OCA2: variants seen among roughly 807,000 people sequenced by gnomAD.
OCA2 encodes the protein P protein.
Under a neutral mutation model 100.2 loss-of-function variants are expected in OCA2, and 77 were observed. That is an observed-to-expected ratio of 0.77 (90% CI 0.64 to 0.93). The LOEUF is 0.93. Among genes scored for constraint, OCA2 ranks in the 40% least tolerant of loss-of-function variants. The pLI is 0.00. For synonymous variants in OCA2, 432 were observed against 439.2 expected, an observed-to-expected ratio of 0.98 and a Z score of 0.21; for missense variants, 1,062 against 1,089.1, an observed-to-expected ratio of 0.98 and a Z score of 0.35.
In OCA2 at chr15:28,041,368, A is replaced by C. The variant is rs533313543; in HGVS notation, c.228-9205T>G. Among the ~76,000 whole-genome samples, 5 of 152,328 alleles carry C rather than the reference A, an allele frequency of 3.3e-5. No individual in the cohort carries two copies. In the South Asian group the frequency reaches 1.0e-3, roughly 32 times the overall value. ...CCTCAGCAAACTAGGAATAGAAGGA[A>C]ACTACTGTAACATAATAAAGACTAT... is the stretch of plus-strand genomic sequence containing the variant. On this transcript the variant is annotated intron_variant, in intron 2 of 23. Transcript: ENST00000354638.
chr15:27,893,189 A>G (rs1425913177), intron 19 of OCA2, among the ~76,000 whole-genome samples: 1 of 152,246 alleles, frequency 6.6e-6, no homozygotes, highest in African/African-American at 2.4e-5. Context: ...TCATATTAAT[A>G]TGGACATTTA....
chr15:27,745,019 G>A, the OCA2 span, among the ~76,000 whole-genome samples: 38 of 152,322 alleles, frequency 2.5e-4, 1 homozygote, highest in East Asian at 7.2e-3. Flanking sequence ...AGAACCTGCA[G>A]TATTTTACCA....
chr15:27,837,509 A>G (rs2035197673), intron 23 of OCA2, among the ~76,000 whole-genome samples: 1 of 152,184 alleles, frequency 6.6e-6, no homozygotes, highest in African/African-American at 2.4e-5. Context: ...GCTATCTCTC[A>G]GGCCCCTGCC....
At position 27,770,909 on chromosome 15, in the gene OCA2, TC is replaced by T. The variant is rs1566949345; in HGVS notation, c.2433-15438del. The stretch of plus-strand genomic sequence containing the variant: ...TCCTTCCCATCTCCTTTTCCTTCCT[TC>T]CCTCCTCCCTCCCTCTTTTCCTTTC... On this transcript the variant is annotated intron_variant, in intron 23 of 23. Coordinates refer to ENST00000354638, the MANE Select transcript of OCA2 (RefSeq NM_000275.3). Among the ~76,000 whole-genome samples the T allele has an allele frequency of 7.6e-3, 265 of 34,906 alleles. 15 individuals are homozygous for T. The highest frequency in any genetic ancestry group is 0.025 in the African/African-American group (250 of 10,136). The allele number at this position is 34,906 out of a possible 152,430, so 22.9% of individuals were successfully genotyped here.
chr15:27,829,279 TGATAGATAGATAGATAGATA>T (rs56223349), intron 23 of OCA2, among the ~76,000 whole-genome samples: 2 of 107,518 alleles, frequency 1.9e-5, no homozygotes, highest in African/African-American at 6.1e-5. Context: ...AGAAGATAGA[TGATAGATAGATAGATAGATA>T]GATAGATAGA....
intron 19 of OCA2, among the ~76,000 whole-genome samples, chr15:27,882,463 C>T (rs2037059376): frequency 6.6e-6 from 1 of 152,180 alleles, no homozygotes; most frequent in Non-Finnish European, 1.5e-5. Flanking sequence ...ATTTCAAGTG[C>T]ATTTTCTTTA....
intron 9 of OCA2, among the ~76,000 whole-genome samples, chr15:27,997,084 G>A (rs1294778361): frequency 7.6e-6 from 1 of 131,088 alleles, no homozygotes; most frequent in African/African-American, 2.9e-5. Flanking sequence ...GAGAAAGAGA[G>A]AGAAAGAAAG....
chr15:27,792,939 G>A (rs185224229), intron 23 of OCA2, among the ~76,000 whole-genome samples: 2 of 152,336 alleles, frequency 1.3e-5, no homozygotes, highest in Non-Finnish European at 2.9e-5. Context: ...GCTTGTGGCC[G>A]AGTGCTGGCG....
chr15:27,831,653 G>A (rs1442546485), intron 23 of OCA2, among the ~76,000 whole-genome samples: 4 of 152,204 alleles, frequency 2.6e-5, no homozygotes, highest in Non-Finnish European at 5.9e-5. Context: ...CAGAGGGAGC[G>A]TGTCTGGGTC....
chr15:27,871,065 T>C, intron 21 of OCA2, 89 bp downstream of exon 21: 1 of 972,642 alleles, frequency 1.0e-6, no homozygotes, highest in Non-Finnish European at 1.7e-6. Context: ...GGGGCAGGCT[T>C]CATCCTCTGC....
downstream of OCA2, among the ~76,000 whole-genome samples, chr15:27,750,933 C>T (rs995693405): frequency 6.6e-6 from 1 of 152,102 alleles, no homozygotes; most frequent in Non-Finnish European, 1.5e-5. Flanking sequence ...AAGCTGCTTC[C>T]CAGACCTGAG....
intron 19 of OCA2, among the ~76,000 whole-genome samples, chr15:27,892,749 A>C (rs2037517578): frequency 6.6e-6 from 1 of 152,196 alleles, no homozygotes; most frequent in African/African-American, 2.4e-5. Flanking sequence ...GGACAATACT[A>C]ATGAAAATCA....
intron 18 of OCA2, among the ~76,000 whole-genome samples, chr15:27,927,313 C>T (rs2039079626): frequency 1.3e-5 from 2 of 152,098 alleles, no homozygotes. Context: ...AGATCCTTCG[C>T]TGTTGGTGTG....
In OCA2 at chr15:28,070,539, G is replaced by C. The variant is rs1439310300; in HGVS notation, c.227+11109C>G. 1.5e-4 allele frequency among the ~76,000 whole-genome samples: 21 copies of C among 138,674 alleles called. No homozygotes were observed. In the South Asian group the frequency reaches 5.1e-3, roughly 33 times the overall value. The allele number at this position is 138,674 out of a possible 152,430, so 91.0% of individuals were successfully genotyped here. On this transcript the variant is annotated intron_variant, in intron 2 of 23. Transcript: ENST00000354638. ...CAGCCGCCCCGTCCGGGAGGGAGGT[G>C]GGGGGGTCAGCCCTCCGCCCGGCCA...
chr15:28,067,312 C>G lies in OCA2; in HGVS notation c.227+14336G>C, dbSNP rs567035697. Among the ~76,000 whole-genome samples, 8 of 152,230 alleles carry G rather than the reference C, an allele frequency of 5.3e-5. No individual in the cohort carries two copies. In the East Asian group the frequency reaches 1.2e-3, roughly 22 times the overall value. On this transcript the variant is annotated intron_variant, in intron 2 of 23. Transcript: ENST00000354638. The stretch of plus-strand genomic sequence containing the variant: ...CAATCTTAGTTATTTTTTTGAAGGA[C>G]AAACTTGGTTTCATTGATCTTTCGT...
At chr15:27,812,315 C>G (rs1381755717) in intron 23 of OCA2, among the ~76,000 whole-genome samples, 1 of 152,118 alleles carries the variant, frequency 6.6e-6, no homozygotes, top group Admixed American at 6.5e-5. Context: ...AAAGAAAAAT[C>G]TTTGAGAGAA....
chr15:27,790,005 T>A (rs2033005692), intron 23 of OCA2, among the ~76,000 whole-genome samples: 1 of 152,110 alleles, frequency 6.6e-6, no homozygotes, highest in African/African-American at 2.4e-5. Context: ...AATGAAGAGA[T>A]GAGACTCAGG....
At chr15:27,887,064 G>C (rs866121577) in intron 19 of OCA2, among the ~76,000 whole-genome samples, 2 of 152,132 alleles carry the variant, frequency 1.3e-5, no homozygotes, top group Non-Finnish European at 2.9e-5. Context: ...TTTAAAACGG[G>C]AGTTTCCCTG....
chr15:27,970,584 G>A (rs1372627670), intron 14 of OCA2, among the ~76,000 whole-genome samples: 1 of 151,188 alleles, frequency 6.6e-6, no homozygotes, highest in African/African-American at 2.4e-5. Flanking sequence ...CATGAAGAAT[G>A]TCCCAGCATG....
Sources: gnomAD v4.1 joint callset for allele counts (sites outside exome capture counted in the v4.1 genomes callset) on GRCh38, gnomAD v4.1.1 for gene constraint, MANE v1.5 for transcripts, NCBI Gene and HGNC (gene_info 2026-07-23, HGNC 2026-07-21) for gene names.